Variants in SLCO1C1 observed in about 807,000 individuals in gnomAD.
SLCO1C1 encodes solute carrier organic anion transporter family member 1C1.
Under a neutral mutation model 76.4 loss-of-function variants are expected in SLCO1C1, and 70 were observed. The observed-to-expected ratio is 0.92, with a 90% CI of 0.76 to 1.12. The LOEUF is 1.12. SLCO1C1 is among the 50% of genes most tolerant of loss of function. The pLI, the probability that SLCO1C1 is intolerant of heterozygous loss-of-function variation, is 0.00. For missense variants in SLCO1C1, 912 were observed against 823.8 expected, an observed-to-expected ratio of 1.11 and a Z score of -1.31; for synonymous variants, 306 against 286.1, an observed-to-expected ratio of 1.07 and a Z score of -0.70.
chr12:20,746,745 C>A (rs143991807), intron 13 of SLCO1C1, among the ~76,000 whole-genome samples: 1,878 of 151,456 alleles, frequency 0.012, 41 homozygotes, highest in African/African-American at 0.042. Flanking sequence ...ATAGGGGAAT[C>A]AATTAAATAA....
Position 20,740,345 on chromosome 12 carries a change from AC to A in SLCO1C1, c.1712del (p.Pro571LeufsTer7). On this transcript the variant is annotated frameshift_variant, in exon 12 of 15. Transcript: ENST00000266509. LOFTEE classifies it high-confidence loss of function. ...CCTATACTTTATCCCTAGGTGGCAT[AC>A]CTGGATACATATTACTTCTGAGGTG... is the stretch of plus-strand genomic sequence containing the variant. Reference protein sequence around the residue: ...TSYTLSLGGIPGYILLLRCIK... With the variant: ...TSYTLSLGGIXGYILLLRCIK... 2 of 1,613,274 alleles carry A rather than the reference AC, an allele frequency of 1.2e-6. No individual in the cohort carries two copies. The highest frequency in any genetic ancestry group is 1.7e-6 in the Non-Finnish European group (2 of 1,179,620).
intron 10 of SLCO1C1, among the ~76,000 whole-genome samples, chr12:20,736,504 C>A (rs1413916207): frequency 6.6e-6 from 1 of 152,060 alleles, no homozygotes; most frequent in Admixed American, 6.6e-5. Flanking sequence ...TATGAAAGAG[C>A]ACTATACACT....
intron 5 of SLCO1C1, among the ~76,000 whole-genome samples, chr12:20,712,620 A>C (rs1026398409): frequency 6.6e-6 from 1 of 152,192 alleles, no homozygotes; most frequent in South Asian, 2.1e-4. Context: ...GCAGAATGGA[A>C]GCCTTTCTAA....
chr12:20,724,138 C>T (rs1947815072), intron 9 of SLCO1C1, among the ~76,000 whole-genome samples: 1 of 151,808 alleles, frequency 6.6e-6, no homozygotes, highest in East Asian at 1.9e-4. Flanking sequence ...AACATTTTTA[C>T]TTTTAACATC....
chr12:20,750,575 C>A, intron 13 of SLCO1C1, 100 bp from the exon 14 acceptor site: 1 of 1,106,304 alleles, frequency 9.0e-7, no homozygotes. Context: ...CTTTCATCTC[C>A]AAAACAGTAA....
In SLCO1C1 at chr12:20,752,598, A is replaced by G; in HGVS notation, c.*70A>G. 7.7e-7 allele frequency: 1 copy of G among 1,302,266 alleles called. No individual in the cohort carries two copies. Among genetic ancestry groups the G allele is most frequent in the Non-Finnish European group, 1.0e-6 (1 of 960,422 alleles). 80.7% of individuals were successfully genotyped at this position (1,302,266 alleles called of 1,614,324 possible). A position where few individuals can be genotyped will look rare whatever the true frequency, so the allele number is the denominator to read the frequency against. Reference sequence around the variant, plus strand: ...TGCAAACAAATAAATTGTAATCAAAAGAGCTCTAAATTTGTAATTTCTTTC... The same window carrying G: ...TGCAAACAAATAAATTGTAATCAAAGGAGCTCTAAATTTGTAATTTCTTTC... On this transcript the variant is annotated 3_prime_UTR_variant, in exon 15 of 15. Coordinates refer to ENST00000266509, the MANE Select transcript of SLCO1C1 (RefSeq NM_017435.5).
rs1946223601 is a variant in SLCO1C1, at chr12:20,695,345, C to T, written c.-488C>T. 4 of 152,090 alleles carry T rather than the reference C, an allele frequency of 2.6e-5. No homozygotes were observed. The allele number at this position is 152,090 out of a possible 1,614,324, so 9.4% of individuals were successfully genotyped here. A position where few individuals can be genotyped will look rare whatever the true frequency, so the allele number is the denominator to read the frequency against. ...CTGGCTTCTGTTCCTTACCCTCTGC[C>T]CCCTGCGGAGTTGTGTTTTCTGGGA... is the stretch of plus-strand genomic sequence containing the variant. On this transcript the variant is annotated 5_prime_UTR_variant, in exon 1 of 15. Transcript: ENST00000266509.
At chr12:20,739,716 T>C (rs1170436225) in intron 11 of SLCO1C1, among the ~76,000 whole-genome samples, 1 of 152,200 alleles carries the variant, frequency 6.6e-6, no homozygotes, top group Non-Finnish European at 1.5e-5. Flanking sequence ...TGGGGTTTCA[T>C]GCAAGTATGA....
rs148204738 is a variant in SLCO1C1 at position 20,737,132 on chromosome 12, C to G, written c.1408C>G (p.Arg470Gly). ...QGTKPVSYHERALFSDCNSRC... is the reference protein window; with the variant it reads ...QGTKPVSYHEGALFSDCNSRC... Reference sequence around the variant, plus strand: ...AACCAAACCTGTCTCTTATCATGAACGAGCTCTCTTTTCAGATTGCAACTC... The same window carrying G: ...AACCAAACCTGTCTCTTATCATGAAGGAGCTCTCTTTTCAGATTGCAACTC... The change falls in exon 11 of 15, where the codon CGA (arginine) becomes GGA (glycine). Residue 470 changes from arginine (R) to glycine (G), a missense_variant. Coordinates refer to ENST00000266509, the MANE Select transcript of SLCO1C1 (RefSeq NM_017435.5). 2.0e-6 allele frequency: 3 copies of G among 1,534,138 alleles called. No homozygotes were observed. The highest frequency in any genetic ancestry group is 4.8e-5 in the Admixed American group (2 of 42,054).
At chr12:20,700,752 A>T (rs1426389063) in intron 2 of SLCO1C1, among the ~76,000 whole-genome samples, 4 of 152,062 alleles carry the variant, frequency 2.6e-5, no homozygotes, top group Non-Finnish European at 5.9e-5. Context: ...ATGTCTATCA[A>T]AATATATAAG....
intron 2 of SLCO1C1, among the ~76,000 whole-genome samples, chr12:20,700,604 C>A (rs1185947525): frequency 2.0e-5 from 3 of 151,748 alleles, no homozygotes; most frequent in Non-Finnish European, 4.4e-5. Context: ...CCCGCTCCCC[C>A]AATCCCCCGA....
chr12:20,748,445 C>A (rs1949146459), intron 13 of SLCO1C1, among the ~76,000 whole-genome samples: 1 of 152,172 alleles, frequency 6.6e-6, no homozygotes, highest in African/African-American at 2.4e-5. Context: ...TTGTGTTCTT[C>A]TACTAGAGCA....
Position 20,721,909 on chromosome 12 carries a change from A to G in SLCO1C1, c.881A>G (p.Tyr294Cys). Residue 294 changes from tyrosine (Y) to cysteine (C), a missense_variant, in exon 8 of 15, where the codon TAT (tyrosine) becomes TGT (cysteine). Physicochemically the swap from Tyr to Cys is radical, Grantham distance 194. Coordinates refer to ENST00000266509, the MANE Select transcript of SLCO1C1 (RefSeq NM_017435.5). ...ISLLAAVPFW[Y>C]LPKSLPRSQS... The stretch of plus-strand genomic sequence containing the variant: ...CTTCTTGCAGCTGTGCCTTTCTGGT[A>G]TTTACCAAAGAGTTTACCAAGATCC... 3 of 1,614,132 alleles carry G rather than the reference A, an allele frequency of 1.9e-6. No homozygotes were observed. Among genetic ancestry groups the G allele is most frequent in the Non-Finnish European group, 2.5e-6 (3 of 1,180,016 alleles).
At chr12:20,698,299 A>G (rs1946358347) in intron 1 of SLCO1C1, among the ~76,000 whole-genome samples, 1 of 152,024 alleles carries the variant, frequency 6.6e-6, no homozygotes, top group Non-Finnish European at 1.5e-5. Context: ...TTAAAAAATT[A>G]AAGTTATGAA....
chr12:20,702,585 A>G (rs1946575093), intron 3 of SLCO1C1, among the ~76,000 whole-genome samples: 1 of 151,908 alleles, frequency 6.6e-6, no homozygotes, highest in Admixed American at 6.6e-5. Flanking sequence ...CATTTTGTGT[A>G]GCAGGTTTCC....
chr12:20,706,099 A>G lies in SLCO1C1; in HGVS notation c.404+18A>G, dbSNP rs763045986. On this transcript the variant is annotated intron_variant, in intron 4 of 14. Coordinates refer to ENST00000266509, the MANE Select transcript of SLCO1C1 (RefSeq NM_017435.5). ...ATGGAGCAGTAAGTCTAAAGCAATC[A>G]TCTTTTCCTTGCCTTTCCAAACAAC... 5.7e-6 allele frequency: 9 copies of G among 1,587,730 alleles called. No individual in the cohort carries two copies. In the Admixed American group the frequency reaches 1.6e-4, roughly 28 times the overall value.
intron 10 of SLCO1C1, among the ~76,000 whole-genome samples, chr12:20,736,151 GC>G (rs1033280210): frequency 1.3e-5 from 2 of 150,616 alleles, no homozygotes; most frequent in Non-Finnish European, 3.0e-5. Flanking sequence ...AATATGAATA[GC>G]AAAAAAAAGG....
intron 7 of SLCO1C1, among the ~76,000 whole-genome samples, chr12:20,718,970 T>C (rs1947517642): frequency 6.6e-6 from 1 of 152,134 alleles, no homozygotes; most frequent in African/African-American, 2.4e-5. Context: ...ATACTATATA[T>C]TTTTTAAATT....
intron 2 of SLCO1C1, among the ~76,000 whole-genome samples, chr12:20,700,633 G>A (rs1042149734): frequency 1.3e-5 from 2 of 151,040 alleles, no homozygotes; most frequent in African/African-American, 2.4e-5. Flanking sequence ...GTTTCTTAAG[G>A]GATGCTTTGT....
Sources: allele counts gnomAD v4.1 joint callset (sites outside exome capture counted in the v4.1 genomes callset), GRCh38; gene constraint gnomAD v4.1.1; transcripts MANE v1.5; gene names NCBI Gene and HGNC (gene_info 2026-07-23, HGNC 2026-07-21).